The following KCTD1 variants were observed in gnomAD, a reference collection of about 807,000 sequenced individuals.
KCTD1 encodes BTB/POZ domain-containing protein KCTD1.
Under a neutral mutation model 66.0 loss-of-function variants are expected in KCTD1, and 24 were observed. That is an observed-to-expected ratio of 0.36 (90% CI 0.26 to 0.51). KCTD1 has a LOEUF of 0.51. KCTD1 is among the 20% of genes least tolerant of loss of function. The pLI is 0.95. For missense variants in KCTD1, 943 were observed against 1,205.2 expected (o/e 0.78, Z 3.22); for synonymous variants, 511 against 517.2 (o/e 0.99, Z 0.16).
At chr18:26,649,980 G>C (rs1053084205) in intron 1 of KCTD1, among the ~76,000 whole-genome samples, 2 of 152,172 alleles carry the variant, frequency 1.3e-5, no homozygotes, top group Admixed American at 6.5e-5. Flanking sequence ...CTCCCATTGT[G>C]GGGGTTCAGA....
chr18:26,536,093 T>TAAAGG (rs1984697486), intron 1 of KCTD1, among the ~76,000 whole-genome samples: 1 of 152,154 alleles, frequency 6.6e-6, no homozygotes, highest in East Asian at 1.9e-4. Context: ...GAAAGCCCTT[T>TAAAGG]GCTTTCCTGT....
chr18:26,622,898 G>T (rs1042271507), intron 1 of KCTD1, among the ~76,000 whole-genome samples: 1 of 152,130 alleles, frequency 6.6e-6, no homozygotes, highest in African/African-American at 2.4e-5. Context: ...AGTTGAAGAG[G>T]CATACAGCAT....
chr18:26,569,829 A>T (rs1374000552), intron 1 of KCTD1, among the ~76,000 whole-genome samples: 1 of 152,192 alleles, frequency 6.6e-6, no homozygotes, highest in African/African-American at 2.4e-5. Context: ...TTCACTCCCA[A>T]ATAATTAGGA....
intron 1 of KCTD1, chr18:26,543,238 T>C (rs1209337156): frequency 6.6e-6 from 1 of 152,220 alleles, no homozygotes; most frequent in Admixed American, 6.5e-5. Flanking sequence ...CACAAACTAA[T>C]ATTGAAAATC....
At chr18:26,607,774 C>T (rs568077341) in intron 1 of KCTD1, among the ~76,000 whole-genome samples, 2 of 152,074 alleles carry the variant, frequency 1.3e-5, no homozygotes, top group South Asian at 2.1e-4. Flanking sequence ...TTTTTAAATT[C>T]ATTTACTTTT....
chr18:26,651,601 T>C (rs1321258459), intron 1 of KCTD1, among the ~76,000 whole-genome samples: 1 of 151,632 alleles, frequency 6.6e-6, no homozygotes, highest in Non-Finnish European at 1.5e-5. Context: ...TTGGCCAAAA[T>C]GGTGAAACCC....
At chr18:26,600,242 G>C (rs1404270224) in intron 1 of KCTD1, 2 of 1,606,848 alleles carry the variant, frequency 1.2e-6, no homozygotes, top group South Asian at 1.1e-5. Flanking sequence ...TGCTACCTGG[G>C]TGATGCCTTC....
intron 1 of KCTD1, among the ~76,000 whole-genome samples, chr18:26,583,479 G>A (rs1986406369): frequency 1.3e-5 from 2 of 151,154 alleles, no homozygotes; most frequent in African/African-American, 4.9e-5. Context: ...TGGGTAATAG[G>A]ACTTACTATG....
At chr18:26,511,256 A>G (rs1983314484) in intron 1 of KCTD1, among the ~76,000 whole-genome samples, 1 of 152,206 alleles carries the variant, frequency 6.6e-6, no homozygotes, top group Non-Finnish European at 1.5e-5. Flanking sequence ...AACACGTGGA[A>G]CTGAAAATTA....
chr18:26,548,771 G>A, upstream of KCTD1: 2 of 1,124,122 alleles, frequency 1.8e-6, no homozygotes, highest in African/African-American at 3.3e-5. Context: ...GGTAAAGGAC[G>A]GAGGCTGACC....
At chr18:26,559,142 T>C (rs1242348420) in intron 1 of KCTD1, among the ~76,000 whole-genome samples, 2 of 152,010 alleles carry the variant, frequency 1.3e-5, no homozygotes, top group South Asian at 2.1e-4. Flanking sequence ...GGAGGATTAA[T>C]AGGTACAAAA....
chr18:26,610,041 T>A (rs765768440), intron 1 of KCTD1, among the ~76,000 whole-genome samples: 2 of 152,176 alleles, frequency 1.3e-5, no homozygotes, highest in Non-Finnish European at 2.9e-5. Context: ...AAAATTTATT[T>A]AGAGAAGCCA....
chr18:26,504,416 A>T (rs150710157), intron 1 of KCTD1, among the ~76,000 whole-genome samples: 15,000 of 152,206 alleles, frequency 0.099, 1,017 homozygotes, highest in Non-Finnish European at 0.14. Flanking sequence ...TTTTTAGTAG[A>T]GACAGGGTTT....
intron 1 of KCTD1, among the ~76,000 whole-genome samples, chr18:26,527,070 GC>G (rs1299046156): frequency 6.6e-6 from 1 of 152,066 alleles, no homozygotes; most frequent in Non-Finnish European, 1.5e-5. Flanking sequence ...ATTATCATCA[GC>G]AACTTAAAAA....
intron 3 of KCTD1, among the ~76,000 whole-genome samples, chr18:26,470,673 G>A (rs1327527519): frequency 6.6e-6 from 1 of 152,232 alleles, no homozygotes; most frequent in Non-Finnish European, 1.5e-5. Context: ...TCTCGTAGCT[G>A]GAAGCGTCCC....
chr18:26,649,863 C>T (rs1477369491), intron 1 of KCTD1, among the ~76,000 whole-genome samples: 1 of 152,110 alleles, frequency 6.6e-6, no homozygotes, highest in Non-Finnish European at 1.5e-5. Flanking sequence ...AGACCAGAGG[C>T]GATTCCAAGT....
intron 1 of KCTD1, among the ~76,000 whole-genome samples, chr18:26,614,074 G>C (rs972119902): frequency 6.6e-6 from 1 of 151,740 alleles, no homozygotes; most frequent in Admixed American, 6.6e-5. Context: ...CTGACAGTCA[G>C]TCAGAAAAAT....
At chr18:26,657,005 G>A (rs1199742769) in intron 1 of KCTD1, among the ~76,000 whole-genome samples, 1 of 149,476 alleles carries the variant, frequency 6.7e-6, no homozygotes, top group Non-Finnish European at 1.5e-5. Flanking sequence ...GAGCCACGGC[G>A]GCTCCTCTCC....
At chr18:26,563,687 T>C (rs1341285303) in intron 1 of KCTD1, among the ~76,000 whole-genome samples, 2 of 152,230 alleles carry the variant, frequency 1.3e-5, no homozygotes, top group African/African-American at 4.8e-5. Flanking sequence ...GCCACTTATG[T>C]GTTGTGTGAT....
Sources: allele counts gnomAD v4.1 joint callset (sites outside exome capture counted in the v4.1 genomes callset), GRCh38; gene constraint gnomAD v4.1.1; transcripts MANE v1.5; gene names NCBI Gene and HGNC (gene_info 2026-07-23, HGNC 2026-07-21).